Variants in PRRX1 observed in about 807,000 individuals in gnomAD.
PRRX1 encodes the protein paired related homeobox 1, also known as paired mesoderm homeobox protein 1.
In PRRX1, 8 loss-of-function variants were observed where a neutral mutation model predicts 24.0. The ratio of observed to expected loss-of-function variants is 0.33; its 90% CI spans 0.20 to 0.60. The LOEUF (loss-of-function observed/expected upper bound fraction) is 0.60. Among genes scored for constraint, PRRX1 ranks in the 20% least tolerant of loss-of-function variants. The pLI is 0.82. For synonymous variants in PRRX1, 160 were observed against 131.7 expected, an observed-to-expected ratio of 1.22 and a Z score of -1.47; for missense variants, 281 against 322.4, an observed-to-expected ratio of 0.87 and a Z score of 0.98.
intron 1 of PRRX1, among the ~76,000 whole-genome samples, chr1:170,673,928 T>C (rs1229610303): frequency 3.3e-5 from 5 of 152,232 alleles, no homozygotes; most frequent in Admixed American, 3.3e-4. Flanking sequence ...GGAAACTCTC[T>C]GTATCCATGC....
At chr1:170,663,272 C>A (rs563410013), upstream of PRRX1, 1 of 152,142 alleles carries the variant, frequency 6.6e-6, no homozygotes, top group Non-Finnish European at 1.5e-5. Flanking sequence ...ATTACAGGCT[C>A]CTATTAAGTC....
At chr1:170,716,215 A>T (rs1448274826) in intron 1 of PRRX1, among the ~76,000 whole-genome samples, 1 of 152,182 alleles carries the variant, frequency 6.6e-6, no homozygotes, top group African/African-American at 2.4e-5. Context: ...ACATATTTTC[A>T]GTTTACTCAA....
intron 1 of PRRX1, among the ~76,000 whole-genome samples, chr1:170,687,531 G>A (rs551951805): frequency 5.9e-5 from 9 of 152,274 alleles, no homozygotes; most frequent in Admixed American, 5.9e-4. Context: ...TCACTTAATT[G>A]TTCTATGAAG....
chr1:170,689,214 A>G (rs12744534), intron 1 of PRRX1, among the ~76,000 whole-genome samples: 20,570 of 152,090 alleles, frequency 0.14, 1,735 homozygotes, highest in East Asian at 0.43. Context: ...ACTCTCTATA[A>G]GCAAAAGAAG....
At position 170,705,921 on chromosome 1, in the gene PRRX1, CACACACACACACAT is replaced by C. The variant is rs959615364; in HGVS notation, c.242-13791_242-13778del. 7.2e-5 allele frequency among the ~76,000 whole-genome samples: 9 copies of C among 124,648 alleles called. No homozygotes were observed. In the South Asian group the frequency reaches 8.0e-4, roughly 11 times the overall value. 81.8% of individuals were successfully genotyped at this position (124,648 alleles called of 152,430 possible). Reference sequence around the variant, plus strand: ...AGTCACACATATACCCACATAGACACACACACACACACATACACACACACACACACACACACACA... The same window carrying C: ...AGTCACACATATACCCACATAGACACACACACACACACACACACACACACA... On this transcript the variant is annotated intron_variant, in intron 1 of 3. Transcript: ENST00000239461.
chr1:170,704,565 G>C (rs984635089), intron 1 of PRRX1, among the ~76,000 whole-genome samples: 2 of 152,182 alleles, frequency 1.3e-5, no homozygotes, highest in African/African-American at 4.8e-5. Context: ...GCTGTATTGT[G>C]TTCTTAAAGG....
chr1:170,719,826 G>A lies in PRRX1; in HGVS notation c.342G>A (p.Glu114=). Residue 114 remains glutamate, a synonymous_variant, in exon 2 of 4, where the codon GAG becomes GAA. Coordinates refer to ENST00000239461, the MANE Select transcript of PRRX1 (RefSeq NM_022716.4). ...SQLQALERVF[E]RTHYPDAFVR... Reference sequence around the variant, plus strand: ...TGCAGGCTTTGGAGCGTGTCTTTGAGCGGACACACTATCCTGATGCTTTTG... The same window carrying A: ...TGCAGGCTTTGGAGCGTGTCTTTGAACGGACACACTATCCTGATGCTTTTG... 1 of 1,614,204 alleles carries A rather than the reference G, an allele frequency of 6.2e-7. No homozygotes were observed. Among genetic ancestry groups the A allele is most frequent in the South Asian group, 1.1e-5 (1 of 91,088 alleles).
chr1:170,702,495 T>C (rs771682566), intron 1 of PRRX1, among the ~76,000 whole-genome samples: 10 of 152,132 alleles, frequency 6.6e-5, no homozygotes, highest in Non-Finnish European at 1.5e-4. Flanking sequence ...TGCTGTACAA[T>C]GGGTGTGTGT....
chr1:170,663,301 G>A (rs574312270), upstream of PRRX1: 2 of 152,110 alleles, frequency 1.3e-5, no homozygotes, highest in Non-Finnish European at 2.9e-5. Context: ...CCCTCCCAGG[G>A]GTCTCCAATT....
intron 1 of PRRX1, among the ~76,000 whole-genome samples, chr1:170,665,625 A>G (rs1487368676): frequency 1.3e-5 from 2 of 152,212 alleles, no homozygotes; most frequent in African/African-American, 2.4e-5. Context: ...AACGTTGCCT[A>G]TTTCAGACTC....
intron 3 of PRRX1, chr1:170,728,501 C>T (rs987713972): frequency 2.6e-5 from 4 of 152,064 alleles, no homozygotes; most frequent in African/African-American, 9.7e-5. Flanking sequence ...ATTTTGTATT[C>T]TGCTCTTTTC....
intron 1 of PRRX1, among the ~76,000 whole-genome samples, chr1:170,689,952 T>G (rs944158456): frequency 1.3e-5 from 2 of 151,582 alleles, no homozygotes; most frequent in Non-Finnish European, 2.9e-5. Context: ...TGTAAAGATT[T>G]GGTTCCATTT....
At position 170,664,297 on chromosome 1, in the gene PRRX1, A is replaced by G; in HGVS notation, c.79A>G (p.Thr27Ala). ...CTTGGACAGCCCGGGCAACCTCGAC[A>G]CCCTGCAGGCGAAAAAGAACTTCTC... ...GRLDSPGNLD[T>A]LQAKKNFSVS... is the part of the protein sequence containing the mutation. Residue 27 changes from threonine (T) to alanine (A), a missense_variant, in exon 1 of 4, where the codon ACC becomes GCC. Transcript: ENST00000239461. 1 of 1,613,226 alleles carries G rather than the reference A, an allele frequency of 6.2e-7. No homozygotes were observed. The highest frequency in any genetic ancestry group is 1.6e-4 in the Middle Eastern group (1 of 6,062).
In PRRX1 at chr1:170,736,517, TA is replaced by T. The variant is rs1056244147; in HGVS notation, c.*339del. ...CCACCCCCATGATTGTATGAAGTTT[TA>T]AAAAAAACTACAGCAGCCAAAGAAA... On this transcript the variant is annotated 3_prime_UTR_variant, in exon 4 of 4. Transcript: ENST00000239461. 9.3e-5 allele frequency: 32 copies of T among 345,804 alleles called. No individual in the cohort carries two copies. Among genetic ancestry groups the T allele is most frequent in the Non-Finnish European group, 4.4e-5 (8 of 183,258 alleles). 21.4% of individuals were successfully genotyped at this position (345,804 alleles called of 1,614,324 possible).
intron 1 of PRRX1, among the ~76,000 whole-genome samples, chr1:170,678,746 C>T (rs1653404532): frequency 6.6e-6 from 1 of 152,038 alleles, no homozygotes; most frequent in South Asian, 2.1e-4. Context: ...TATGTCTCTC[C>T]CATATGTGCA....
At chr1:170,692,043 A>G (rs1235961000) in intron 1 of PRRX1, among the ~76,000 whole-genome samples, 1 of 152,122 alleles carries the variant, frequency 6.6e-6, no homozygotes, top group African/African-American at 2.4e-5. Flanking sequence ...AAGAGGTCAT[A>G]TATGGGTCTA....
At chr1:170,682,319 A>G (rs1322666102) in intron 1 of PRRX1, among the ~76,000 whole-genome samples, 1 of 151,906 alleles carries the variant, frequency 6.6e-6, no homozygotes, top group Non-Finnish European at 1.5e-5. Flanking sequence ...GTCACCCTTG[A>G]TAGTATTATC....
At chr1:170,671,058 G>T (rs1230860236) in intron 1 of PRRX1, among the ~76,000 whole-genome samples, 4 of 152,058 alleles carry the variant, frequency 2.6e-5, no homozygotes, top group Non-Finnish European at 4.4e-5. Context: ...CTCTTACAAA[G>T]GTATAAATCT....
At position 170,664,190 on chromosome 1, in the gene PRRX1, G is replaced by A; in HGVS notation, c.-29G>A. ...TTGGTGTTGATTCGAGCGGGAAGAGGGGGGTGGGTGGGATCGGTGGGGGAG... is the reference window on the plus strand; with the variant it reads ...TTGGTGTTGATTCGAGCGGGAAGAGAGGGGTGGGTGGGATCGGTGGGGGAG... On this transcript the variant is annotated 5_prime_UTR_variant, in exon 1 of 4. Coordinates refer to ENST00000239461, the MANE Select transcript of PRRX1 (RefSeq NM_022716.4). The A allele has an allele frequency of 6.3e-7, 1 of 1,598,628 alleles. No individual in the cohort carries two copies. Among genetic ancestry groups the A allele is most frequent in the Non-Finnish European group, 8.5e-7 (1 of 1,172,876 alleles).
Sources: allele counts gnomAD v4.1 joint callset (sites outside exome capture counted in the v4.1 genomes callset), GRCh38; gene constraint gnomAD v4.1.1; transcripts MANE v1.5; gene names NCBI Gene and HGNC (gene_info 2026-07-23, HGNC 2026-07-21).